Variants in ANO3 observed in about 807,000 individuals in gnomAD.
ANO3 encodes anoctamin-3.
ANO3 carries 99 observed loss-of-function variants against 144.8 expected under a neutral mutation model. That is an observed-to-expected ratio of 0.68 (90% CI 0.58 to 0.81). The LOEUF (loss-of-function observed/expected upper bound fraction) is 0.81, where lower values mean the gene tolerates loss of function less well. ANO3 is among the 30% of genes least tolerant of loss of function. The pLI, the probability that ANO3 is intolerant of heterozygous loss-of-function variation, is 0.00. For synonymous variants in ANO3, 414 were observed against 392.6 expected, an observed-to-expected ratio of 1.05 and a Z score of -0.64; for missense variants, 905 against 1,202.2, an observed-to-expected ratio of 0.75 and a Z score of 3.66.
At chr11:26,586,108 T>A (rs759803466) in intron 14 of ANO3, among the ~76,000 whole-genome samples, 73 of 152,194 alleles carry the variant, frequency 4.8e-4, no homozygotes, top group Non-Finnish European at 7.1e-4. Context: ...TTCTCTAGGC[T>A]ACTCTGATCA....
At chr11:26,307,408 A>G (rs1854408342), upstream of ANO3, among the ~76,000 whole-genome samples, 1 of 147,410 alleles carries the variant, frequency 6.8e-6, no homozygotes, top group African/African-American at 2.5e-5. Flanking sequence ...GTAGTTAATA[A>G]TTTAATGAGG....
intron 1 of ANO3, among the ~76,000 whole-genome samples, chr11:26,379,517 C>T (rs1377558106): frequency 1.3e-5 from 2 of 152,104 alleles, no homozygotes; most frequent in South Asian, 2.1e-4. Context: ...CACAGTGGCT[C>T]ATGCCTGTAA....
At chr11:26,307,993 G>A (rs12223352), upstream of ANO3, among the ~76,000 whole-genome samples, 10,144 of 151,780 alleles carry the variant, frequency 0.067, 655 homozygotes, top group African/African-American at 0.17. Flanking sequence ...TAATTTCCTT[G>A]GTCTACCCAA....
At chr11:26,305,645 C>G (rs1854363685), upstream of ANO3, among the ~76,000 whole-genome samples, 1 of 152,088 alleles carries the variant, frequency 6.6e-6, no homozygotes, top group South Asian at 2.1e-4. Context: ...TAAAGATGAA[C>G]TAATCTTACA....
chr11:26,400,848 A>ATG (rs35425496), intron 1 of ANO3, among the ~76,000 whole-genome samples: 4 of 150,912 alleles, frequency 2.7e-5, no homozygotes, highest in African/African-American at 4.9e-5. Flanking sequence ...AGATGAATAT[A>ATG]TATATATATA....
intron 6 of ANO3, among the ~76,000 whole-genome samples, chr11:26,522,959 A>C (rs1156631146): frequency 6.6e-6 from 1 of 152,196 alleles, no homozygotes; most frequent in Non-Finnish European, 1.5e-5. Flanking sequence ...CCGTTTTCAT[A>C]CTGCCATAAA....
intron 1 of ANO3, among the ~76,000 whole-genome samples, chr11:26,203,883 A>G (rs536134989): frequency 2.0e-5 from 3 of 152,220 alleles, no homozygotes; most frequent in East Asian, 3.9e-4. Flanking sequence ...AACAACAGCA[A>G]TGGACAAGAG....
intron 14 of ANO3, among the ~76,000 whole-genome samples, chr11:26,574,924 A>C (rs2132840735): frequency 6.6e-6 from 1 of 152,232 alleles, no homozygotes; most frequent in African/African-American, 2.4e-5. Flanking sequence ...GCATACATAC[A>C]TAAATGGTGA....
Position 26,396,857 on chromosome 11 carries a change from G to A in ANO3, c.47-45061G>A, listed in dbSNP as rs182206866. 1.1e-4 allele frequency among the ~76,000 whole-genome samples: 16 copies of A among 152,028 alleles called. 1 individual carries two copies. The highest frequency in any genetic ancestry group is 3.9e-4 in the African/African-American group (16 of 41,490). On this transcript the variant is annotated intron_variant, in intron 1 of 26. Transcript: ENST00000256737. ...TATCTAATGTAGATGATGGGTTGAT[G>A]AGTGTGGCAAACCACTATGGCACAT...
chr11:26,555,382 T>C (rs1302663490), intron 13 of ANO3, among the ~76,000 whole-genome samples: 1 of 152,166 alleles, frequency 6.6e-6, no homozygotes, highest in Non-Finnish European at 1.5e-5. Context: ...ATAACACACA[T>C]TGGCATTATT....
chr11:26,642,621 G>A (rs1853204138), intron 22 of ANO3, among the ~76,000 whole-genome samples: 1 of 152,018 alleles, frequency 6.6e-6, no homozygotes, highest in Non-Finnish European at 1.5e-5. Context: ...AAAGTGCTGG[G>A]ATTACAGGCC....
chr11:26,370,022 C>T (rs1393237658), intron 1 of ANO3, among the ~76,000 whole-genome samples: 3 of 152,176 alleles, frequency 2.0e-5, no homozygotes, highest in Non-Finnish European at 4.4e-5. Context: ...AATTAAATTA[C>T]CCTATTTAGA....
upstream of ANO3, among the ~76,000 whole-genome samples, chr11:26,306,196 G>C (rs1370106637): frequency 6.9e-6 from 1 of 145,462 alleles, no homozygotes; most frequent in East Asian, 2.0e-4. Flanking sequence ...GGATGGTCTC[G>C]ATCTCCTGAC....
At chr11:26,283,286 C>G (rs1489207901) in intron 1 of ANO3, among the ~76,000 whole-genome samples, 3 of 132,288 alleles carry the variant, frequency 2.3e-5, no homozygotes, top group Non-Finnish European at 4.8e-5. Flanking sequence ...AATCTGTTAG[C>G]ATAACCATAT....
intron 1 of ANO3, among the ~76,000 whole-genome samples, chr11:26,333,590 T>A (rs1855117931): frequency 6.6e-6 from 1 of 152,138 alleles, no homozygotes; most frequent in Admixed American, 6.5e-5. Flanking sequence ...CCCTTGACTT[T>A]TTTGTTTGTT....
At chr11:26,275,983 G>T (rs1197806824) in intron 1 of ANO3, among the ~76,000 whole-genome samples, 1 of 152,106 alleles carries the variant, frequency 6.6e-6, no homozygotes, top group African/African-American at 2.4e-5. Flanking sequence ...CATCTTCACT[G>T]GTTTGGGGAA....
chr11:26,200,195 C>T lies in ANO3; in HGVS notation c.154+10865C>T, dbSNP rs561722343. ...GTTGGAGCATAAATCAGGCTCTGCC[C>T]GAAGCTAACCTGAACTAGGAGCTCA... On this transcript the variant is annotated intron_variant, in intron 1 of 27. Coordinates refer to the ANO3 transcript ENST00000672621. 5.9e-5 allele frequency among the ~76,000 whole-genome samples: 9 copies of T among 152,198 alleles called. No individual in the cohort carries two copies. In the South Asian group the frequency reaches 1.7e-3, roughly 28 times the overall value.
intron 3 of ANO3, 78 bp downstream of exon 3, chr11:26,443,914 A>ATTT: frequency 1.2e-6 from 1 of 867,158 alleles, no homozygotes; most frequent in South Asian, 1.8e-5. Flanking sequence ...AAAAACTAGC[A>ATTT]TTTTTTTTTT....
At chr11:26,644,169 G>T (rs1040084975) in intron 23 of ANO3, among the ~76,000 whole-genome samples, 5 of 152,096 alleles carry the variant, frequency 3.3e-5, no homozygotes, top group African/African-American at 1.2e-4. Context: ...AACATTTTTA[G>T]TTATGAAAAT....
Sources: gnomAD v4.1 joint callset for allele counts (sites outside exome capture counted in the v4.1 genomes callset) on GRCh38, gnomAD v4.1.1 for gene constraint, MANE v1.5 for transcripts, NCBI Gene and HGNC (gene_info 2026-07-23, HGNC 2026-07-21) for gene names.